The following ATP10B variants were observed in gnomAD, a reference collection of about 807,000 sequenced individuals.
ATP10B encodes the protein phospholipid-transporting ATPase VB.
ATP10B carries 122 observed loss-of-function variants against 141.2 expected under a neutral mutation model. The ratio of observed to expected loss-of-function variants is 0.86; its 90% CI spans 0.75 to 1.00. The LOEUF is 1.00. Ranked by LOEUF, ATP10B falls within the 50% of genes least tolerant of loss-of-function variation. ATP10B has a pLI of 0.00. For synonymous variants in ATP10B, 685 were observed against 692.0 expected, an observed-to-expected ratio of 0.99 and a Z score of 0.16; for missense variants, 1,876 against 1,825.3, an observed-to-expected ratio of 1.03 and a Z score of -0.51.
intron 2 of ATP10B, among the ~76,000 whole-genome samples, chr5:160,745,504 T>A (rs1402113927): frequency 1.3e-5 from 2 of 152,238 alleles, no homozygotes; most frequent in Non-Finnish European, 2.9e-5. Context: ...GCATTTGCAT[T>A]CATCCTCACT....
chr5:160,772,469 C>T (rs1490541428), intron 2 of ATP10B, among the ~76,000 whole-genome samples: 2 of 152,132 alleles, frequency 1.3e-5, no homozygotes, highest in Non-Finnish European at 2.9e-5. Flanking sequence ...AACAGCAGTT[C>T]CCAACCTTTT....
intron 1 of ATP10B, among the ~76,000 whole-genome samples, chr5:160,819,163 G>T (rs185915673): frequency 2.7e-4 from 41 of 151,806 alleles, no homozygotes; most frequent in African/African-American, 9.2e-4. Flanking sequence ...ATAAAAGAAG[G>T]AATCTTAAAA....
intron 3 of ATP10B, among the ~76,000 whole-genome samples, chr5:160,706,649 G>T (rs1238900027): frequency 6.6e-6 from 1 of 152,090 alleles, no homozygotes; most frequent in Non-Finnish European, 1.5e-5. Context: ...GTAATTTCAG[G>T]TTTACAGAAA....
chr5:160,927,113 AGAG>A, the ATP10B span, among the ~76,000 whole-genome samples: 1 of 152,204 alleles, frequency 6.6e-6, no homozygotes, highest in African/African-American at 2.4e-5. Flanking sequence ...CCACAATTGC[AGAG>A]AAGAGTACAG....
At chr5:160,918,418 A>C in the ATP10B span, among the ~76,000 whole-genome samples, 1 of 152,210 alleles carries the variant, frequency 6.6e-6, no homozygotes, top group Non-Finnish European at 1.5e-5. Flanking sequence ...GAAGGGTTAA[A>C]ATCAGCAGGA....
In ATP10B at chr5:160,686,078, C is replaced by T. The variant is rs996598908; in HGVS notation, c.470+1G>A. The T allele has an allele frequency of 1.3e-6, 2 of 1,553,808 alleles. No homozygotes were observed. The highest frequency in any genetic ancestry group is 2.7e-5 in the African/African-American group (2 of 73,768). On this transcript the variant is annotated splice_donor_variant, in intron 6 of 25. Coordinates refer to ENST00000327245, the MANE Select transcript of ATP10B (RefSeq NM_025153.3). LOFTEE classifies it high-confidence loss of function. ...GAGAACACAGGGATGGTTTTTCTTA[C>T]CTTTCATAAATTCGAATGTTGGAGC...
rs1754378606 is a variant in ATP10B at position 160,563,664 on chromosome 5, A to G, written c.*1789T>C. The stretch of plus-strand genomic sequence containing the variant: ...ACTTGCAGGTGTGGCATTCTGCTTC[A>G]AGCCACCTGCATCCTAGAGAGCAAG... On this transcript the variant is annotated 3_prime_UTR_variant, in exon 26 of 26. Coordinates refer to ENST00000327245, the MANE Select transcript of ATP10B (RefSeq NM_025153.3). The G allele has an allele frequency of 6.6e-6, 1 of 152,142 alleles. No homozygotes were observed. The highest frequency in any genetic ancestry group is 1.5e-5 in the Non-Finnish European group (1 of 68,010). 9.4% of individuals were successfully genotyped at this position (152,142 alleles called of 1,614,324 possible). A position where few individuals can be genotyped will look rare whatever the true frequency, so the allele number is the denominator to read the frequency against.
rs775186062 is a variant in ATP10B at position 160,670,643 on chromosome 5, C to T, written c.495G>A (p.Lys165=). The change falls in exon 7 of 26, where the codon AAG becomes AAA. Residue 165 remains lysine, a synonymous_variant. Transcript: ENST00000327245. ...YERKEQTYVQ[K]CWKDVRVGDF... is the part of the protein sequence containing the mutation. ...CTCCCACGCGCACATCCTTCCAGCA[C>T]TTCTGCACATAGGTCTGCTCTTTTC... 1.7e-5 allele frequency: 27 copies of T among 1,613,738 alleles called. No homozygotes were observed. Among genetic ancestry groups the T allele is most frequent in the Non-Finnish European group, 2.3e-5 (27 of 1,179,820 alleles).
Position 160,803,085 on chromosome 5 carries a change from G to C in ATP10B, c.-575-17282C>G, listed in dbSNP as rs1156686719. 3.3e-5 allele frequency among the ~76,000 whole-genome samples: 5 copies of C among 152,182 alleles called. No homozygotes were observed. The East Asian group carries it at 9.6e-4, about 29-fold the overall frequency. On this transcript the variant is annotated intron_variant, in intron 1 of 25. Coordinates refer to ENST00000327245, the MANE Select transcript of ATP10B (RefSeq NM_025153.3). ...ACATGCTCCTGTTCAAAAGGCTTCT[G>C]TTGGCTCACTTGGCATGGTGGGCTT... is the stretch of plus-strand genomic sequence containing the variant.
Position 160,565,835 on chromosome 5 carries a change from T to C in ATP10B, c.4004A>G (p.Asp1335Gly), listed in dbSNP as rs768897810. 6.2e-7 allele frequency: 1 copy of C among 1,614,036 alleles called. No individual in the cohort carries two copies. The highest frequency in any genetic ancestry group is 1.1e-5 in the South Asian group (1 of 91,064). The change falls in exon 26 of 26, where the codon GAC (aspartate) becomes GGC (glycine). Residue 1335 changes from aspartate to glycine, a missense_variant. Asp to Gly is a moderately conservative substitution (Grantham distance 94). Coordinates refer to ENST00000327245, the MANE Select transcript of ATP10B (RefSeq NM_025153.3). The stretch of plus-strand genomic sequence containing the variant: ...GTTTCTTTTGTCTGGGGGGAGTTTG[T>C]CAATTTTCTGAGCTTTTGAGATTAG... The part of the protein sequence containing the change: ...KSLISKAQKI[D>G]KLPPDKRNLE...
chr5:160,622,432 A>T lies in ATP10B; in HGVS notation c.1774T>A (p.Ser592Thr). ...DFFLALTICN[S>T]VMVSTTTEPR... is the part of the protein sequence containing the mutation. ...TCGGTGGTTGTGGACACCATGACAG[A>T]GTTGCAGATGGTTAAGGCAAGGAAG... The change falls in exon 14 of 26, where the codon TCT becomes ACT. Residue 592 changes from serine (S) to threonine (T), a missense_variant. Physicochemically the swap from Ser to Thr is moderately conservative, Grantham distance 58. Coordinates refer to ENST00000327245, the MANE Select transcript of ATP10B (RefSeq NM_025153.3). 6.2e-7 allele frequency: 1 copy of T among 1,613,874 alleles called. No individual in the cohort carries two copies. Among genetic ancestry groups the T allele is most frequent in the Non-Finnish European group, 8.5e-7 (1 of 1,179,978 alleles).
chr5:160,920,330 A>G, the ATP10B span, among the ~76,000 whole-genome samples: 6 of 152,346 alleles, frequency 3.9e-5, no homozygotes, highest in East Asian at 1.2e-3. Context: ...TAATAGGTAC[A>G]TGTTTTGGTG....
chr5:160,565,753 A>G lies in ATP10B; in HGVS notation c.4086T>C (p.Ala1362=). Residue 1362 remains alanine (A), a synonymous_variant, in exon 26 of 26, where the codon GCT becomes GCC. Coordinates refer to ENST00000327245, the MANE Select transcript of ATP10B (RefSeq NM_025153.3). Reference sequence around the variant, plus strand: ...ATGACACTGGGTGGTGAGTTGGTCGAGCCACTTCGGGGACAGGGGCAGGCC... The same window carrying G: ...ATGACACTGGGTGGTGAGTTGGTCGGGCCACTTCGGGGACAGGGGCAGGCC... ...RQRPAPVPEV[A]RPTHHPVSSI... is the part of the protein sequence containing the mutation. 1 of 1,614,056 alleles carries G rather than the reference A, an allele frequency of 6.2e-7. No individual in the cohort carries two copies. Among genetic ancestry groups the G allele is most frequent in the Non-Finnish European group, 8.5e-7 (1 of 1,179,990 alleles).
the ATP10B span, among the ~76,000 whole-genome samples, chr5:160,902,522 C>T: frequency 6.6e-6 from 1 of 152,106 alleles, no homozygotes; most frequent in Non-Finnish European, 1.5e-5. Flanking sequence ...TGGAGAAATA[C>T]CAGGCATTTG....
chr5:160,706,334 C>A (rs1163599357), intron 3 of ATP10B, among the ~76,000 whole-genome samples: 1 of 152,014 alleles, frequency 6.6e-6, no homozygotes, highest in Non-Finnish European at 1.5e-5. Flanking sequence ...CTGTGAAGTG[C>A]AATAAAGGAA....
intron 3 of ATP10B, among the ~76,000 whole-genome samples, chr5:160,691,043 C>T (rs1169770394): frequency 6.6e-6 from 1 of 152,164 alleles, no homozygotes; most frequent in Non-Finnish European, 1.5e-5. Flanking sequence ...AGGATGAGTT[C>T]ATATACTTTG....
intron 18 of ATP10B, among the ~76,000 whole-genome samples, chr5:160,611,629 T>G (rs2127637800): frequency 6.6e-6 from 1 of 152,312 alleles, no homozygotes; most frequent in Middle Eastern, 3.4e-3. Flanking sequence ...CTAGTTTTAT[T>G]TTTAAAAAAG....
At chr5:160,841,258 C>A (rs147604310) in intron 1 of ATP10B, among the ~76,000 whole-genome samples, 1 of 151,868 alleles carries the variant, frequency 6.6e-6, no homozygotes, top group Non-Finnish European at 1.5e-5. Context: ...TCTCTACGAA[C>A]TGATGTAGAA....
At chr5:160,606,258 G>C (rs996428325) in intron 19 of ATP10B, among the ~76,000 whole-genome samples, 5 of 152,118 alleles carry the variant, frequency 3.3e-5, no homozygotes, top group Non-Finnish European at 7.4e-5. Context: ...ACCAATGCTA[G>C]CATCTATTGG....
Sources: allele counts gnomAD v4.1 joint callset (sites outside exome capture counted in the v4.1 genomes callset), GRCh38; gene constraint gnomAD v4.1.1; transcripts MANE v1.5; gene names NCBI Gene and HGNC (gene_info 2026-07-23, HGNC 2026-07-21).